Variants in USP32 observed in about 807,000 individuals in gnomAD.
USP32 encodes ubiquitin specific peptidase 32.
USP32 carries 59 observed loss-of-function variants against 204.8 expected under a neutral mutation model. That is an observed-to-expected ratio of 0.29 (90% CI 0.23 to 0.36). USP32 has a LOEUF of 0.36. Ranked by LOEUF, USP32 falls within the 10% of genes least tolerant of loss-of-function variation. The pLI, the probability that USP32 is intolerant of heterozygous loss-of-function variation, is 1.00. For missense variants in USP32, 1,160 were observed against 1,946.4 expected (o/e 0.60, Z 7.60); for synonymous variants, 517 against 678.4 (o/e 0.76, Z 3.70).
intron 3 of USP32, among the ~76,000 whole-genome samples, chr17:60,298,399 A>G (rs2087492577): frequency 6.6e-6 from 1 of 152,144 alleles, no homozygotes; most frequent in Non-Finnish European, 1.5e-5. Flanking sequence ...TTCCAAATTT[A>G]TAGATATCAT....
At chr17:60,201,572 T>C (rs922834645) in intron 26 of USP32, among the ~76,000 whole-genome samples, 5 of 152,082 alleles carry the variant, frequency 3.3e-5, no homozygotes, top group African/African-American at 7.2e-5. Flanking sequence ...ACCCTGTCAG[T>C]CTGTTTAATT....
intron 12 of USP32, among the ~76,000 whole-genome samples, chr17:60,232,712 A>G (rs916367630): frequency 1.3e-4 from 19 of 151,556 alleles, no homozygotes; most frequent in African/African-American, 4.1e-4. Context: ...ATACCCGGCT[A>G]ATTTTTGTAT....
At chr17:60,391,593 C>T (rs2089834685) in intron 1 of USP32, among the ~76,000 whole-genome samples, 1 of 152,170 alleles carries the variant, frequency 6.6e-6, no homozygotes, top group South Asian at 2.1e-4. Context: ...GGGGAGAGGA[C>T]TTCCCTGGAC....
At chr17:60,209,309 A>G (rs557838383) in intron 22 of USP32, 61 bp downstream of exon 22, 7 of 800,216 alleles carry the variant, frequency 8.7e-6, no homozygotes, top group African/African-American at 1.8e-5. Context: ...GTTGTGCTAC[A>G]TGTATTTGTG....
chr17:60,223,905 C>T (rs2145576796), intron 13 of USP32, among the ~76,000 whole-genome samples: 1 of 152,334 alleles, frequency 6.6e-6, no homozygotes, highest in Non-Finnish European at 1.5e-5. Context: ...TGGGCTTCTA[C>T]ATAGCATCCT....
At position 60,382,381 on chromosome 17, in the gene USP32, C is replaced by T. The variant is rs377389523; in HGVS notation, c.58+9501G>A. ...GTGTGGTGGTGCACACCTGTAGTCC[C>T]CACAATTCGGGAGACCTGAACCACC... On this transcript the variant is annotated intron_variant, in intron 1 of 33. Transcript: ENST00000300896. Among the ~76,000 whole-genome samples the T allele has an allele frequency of 2.6e-5, 4 of 152,274 alleles. No individual in the cohort carries two copies. The East Asian group carries it at 7.7e-4, about 29-fold the overall frequency.
intron 2 of USP32, among the ~76,000 whole-genome samples, chr17:60,318,004 A>C (rs117154365): frequency 0.017 from 2,656 of 152,270 alleles, 38 homozygotes; most frequent in Non-Finnish European, 0.024. Flanking sequence ...GAAAACAAAC[A>C]AACAAAAAAA....
At chr17:60,289,567 T>C (rs1372053897) in intron 4 of USP32, among the ~76,000 whole-genome samples, 1 of 152,226 alleles carries the variant, frequency 6.6e-6, no homozygotes, top group Non-Finnish European at 1.5e-5. Flanking sequence ...TCTGTTTCTT[T>C]GCTTTCTTTC....
intron 12 of USP32, 30 bp from the exon 13 acceptor site, chr17:60,226,261 C>G (rs1426761812): frequency 6.7e-7 from 1 of 1,503,604 alleles, no homozygotes; most frequent in South Asian, 1.4e-5. Flanking sequence ...GAATAAGAAG[C>G]AAAGTTTATA....
chr17:60,269,600 C>T (rs1467623729), intron 6 of USP32, 43 bp from the exon 7 acceptor site: 1 of 1,480,084 alleles, frequency 6.8e-7, no homozygotes, highest in East Asian at 2.4e-5. Flanking sequence ...GCCAAGCTTC[C>T]TAATGTTAAT....
chr17:60,378,922 C>CTATATA (rs985622052), intron 1 of USP32, among the ~76,000 whole-genome samples: 28 of 149,576 alleles, frequency 1.9e-4, no homozygotes, highest in African/African-American at 6.9e-4. Context: ...ATGGTATGTT[C>CTATATA]TATATATATA....
rs748414839 is a variant in USP32 at position 60,212,118 on chromosome 17, T to C, written c.2105-20A>G. 6 of 1,577,192 alleles carry C rather than the reference T, an allele frequency of 3.8e-6. No homozygotes were observed. The South Asian group carries it at 6.9e-5, about 18-fold the overall frequency. ...TGCGAACTGGAAGGACAGATAGGAA[T>C]GTGTTAATTTCTTATCTATCTAATT... is the stretch of plus-strand genomic sequence containing the variant. On this transcript the variant is annotated intron_variant, in intron 18 of 33. Transcript: ENST00000300896.
At position 60,185,468 on chromosome 17, in the gene USP32, G is replaced by A. The variant is rs2145377314; in HGVS notation, c.3826C>T (p.Pro1276Ser). 1.2e-6 allele frequency: 2 copies of A among 1,605,878 alleles called. No homozygotes were observed. The highest frequency in any genetic ancestry group is 1.1e-5 in the South Asian group (1 of 90,736). Residue 1276 changes from proline to serine, a missense_variant, in exon 30 of 34, where the codon CCC (proline) becomes TCC (serine). Transcript: ENST00000300896. ...TKKLDLWRLP[P>S]ILIIHLKRFQ... The stretch of plus-strand genomic sequence containing the variant: ...GCAGGACTGTAACATACCAGGATGG[G>A]TGGAAGCCTCCAGAGATCCAGCTTC...
intron 1 of USP32, among the ~76,000 whole-genome samples, chr17:60,358,141 A>G (rs183809883): frequency 6.6e-6 from 1 of 152,230 alleles, no homozygotes. Flanking sequence ...TATTGTTTCT[A>G]CTACTTTTTT....
chr17:60,234,154 C>A (rs2085649212), intron 12 of USP32, among the ~76,000 whole-genome samples: 1 of 151,098 alleles, frequency 6.6e-6, no homozygotes, highest in Non-Finnish European at 1.5e-5. Flanking sequence ...TGCTCTGTCG[C>A]CCAGGCTGGA....
At chr17:60,263,022 C>T (rs1354420449) in intron 9 of USP32, among the ~76,000 whole-genome samples, 4 of 151,988 alleles carry the variant, frequency 2.6e-5, no homozygotes, top group African/African-American at 9.7e-5. Context: ...AATCATGGCA[C>T]ACTGCAGCCT....
chr17:60,334,364 A>G (rs533007448), intron 2 of USP32, among the ~76,000 whole-genome samples: 2 of 152,260 alleles, frequency 1.3e-5, no homozygotes, highest in South Asian at 2.1e-4. Flanking sequence ...ATAAACTAGT[A>G]TCTACTTGTA....
intron 1 of USP32, among the ~76,000 whole-genome samples, chr17:60,409,169 G>A (rs1011891034): frequency 2.0e-4 from 31 of 152,086 alleles, no homozygotes; most frequent in Admixed American, 1.8e-3. Flanking sequence ...GCAACATGGC[G>A]AAACCCTGTC....
intron 6 of USP32, among the ~76,000 whole-genome samples, chr17:60,270,434 A>G (rs1223577001): frequency 1.3e-5 from 2 of 152,234 alleles, no homozygotes; most frequent in African/African-American, 4.8e-5. Context: ...TATAAGTTTT[A>G]AAAGGTGAGA....
Sources: allele counts gnomAD v4.1 joint callset (sites outside exome capture counted in the v4.1 genomes callset), GRCh38; gene constraint gnomAD v4.1.1; transcripts MANE v1.5; gene names NCBI Gene and HGNC (gene_info 2026-07-23, HGNC 2026-07-21).